The following AGMO variants were observed in gnomAD, a reference collection of about 807,000 sequenced individuals.
The protein encoded by AGMO is alkylglycerol monooxygenase.
In AGMO, 75 loss-of-function variants were observed where a neutral mutation model predicts 60.2. That is an observed-to-expected ratio of 1.25 (90% CI 1.03 to 1.51). The LOEUF is 1.51. AGMO is among the 40% of genes most tolerant of loss of function. The pLI, the probability that AGMO is intolerant of heterozygous loss-of-function variation, is 0.00. For synonymous variants in AGMO, 261 were observed against 177.1 expected, an observed-to-expected ratio of 1.47 and a Z score of -3.76; for missense variants, 763 against 525.5, an observed-to-expected ratio of 1.45 and a Z score of -4.42.
chr7:15,460,163 G>T (rs1782109399), intron 3 of AGMO, among the ~76,000 whole-genome samples: 1 of 145,426 alleles, frequency 6.9e-6, no homozygotes, highest in Non-Finnish European at 1.5e-5. Context: ...CCGGAGTGCA[G>T]TGGCGTGATC....
chr7:15,352,446 TG>T (rs1234550569), intron 12 of AGMO, among the ~76,000 whole-genome samples: 2,037 of 149,220 alleles, frequency 0.014, 48 homozygotes, highest in African/African-American at 0.047. Flanking sequence ...TCCAGAAGTA[TG>T]TTTTTTTTTT....
chr7:15,256,549 G>C (rs1420479945), intron 12 of AGMO, among the ~76,000 whole-genome samples: 1 of 152,074 alleles, frequency 6.6e-6, no homozygotes, highest in African/African-American at 2.4e-5. Flanking sequence ...ATTTTTAGTA[G>C]AGACGGAGTT....
chr7:15,153,010 T>C, the AGMO span, among the ~76,000 whole-genome samples: 1 of 152,142 alleles, frequency 6.6e-6, no homozygotes, highest in Non-Finnish European at 1.5e-5. Flanking sequence ...ACATCTATTA[T>C]TTTTTGATTA....
At chr7:15,301,174 C>T (rs1784551299) in intron 12 of AGMO, among the ~76,000 whole-genome samples, 1 of 152,138 alleles carries the variant, frequency 6.6e-6, no homozygotes. Context: ...CGCGGTGGCT[C>T]ATGCCTGTAA....
rs376880060 is a variant in AGMO, at chr7:15,386,270, A to C, written c.958-708T>G. Among the ~76,000 whole-genome samples, 27 of 152,350 alleles carry C rather than the reference A, an allele frequency of 1.8e-4. No homozygotes were observed. The East Asian group carries it at 3.7e-3, about 21-fold the overall frequency. ...CTATTTTATTGGAAACAACTTTTCTAAAGTTATTTATTGGAAACTTTGGAG... is the reference window on the plus strand; with the variant it reads ...CTATTTTATTGGAAACAACTTTTCTCAAGTTATTTATTGGAAACTTTGGAG... On this transcript the variant is annotated intron_variant, in intron 9 of 12. Transcript: ENST00000342526.
At chr7:15,177,120 A>G in the AGMO span, among the ~76,000 whole-genome samples, 8 of 152,054 alleles carry the variant, frequency 5.3e-5, no homozygotes, top group African/African-American at 1.9e-4. Flanking sequence ...ATGATTTAAA[A>G]ACATTTTTTT....
intron 12 of AGMO, among the ~76,000 whole-genome samples, chr7:15,361,049 C>A (rs927416956): frequency 6.6e-6 from 1 of 152,144 alleles, no homozygotes; most frequent in Non-Finnish European, 1.5e-5. Flanking sequence ...ATCCTGGTTT[C>A]TGGAAATCAT....
intron 10 of AGMO, among the ~76,000 whole-genome samples, chr7:15,374,143 G>T (rs1783345337): frequency 6.6e-6 from 1 of 151,548 alleles, no homozygotes; most frequent in Non-Finnish European, 1.5e-5. Context: ...ACACCATACT[G>T]CAATGTATAA....
intron 3 of AGMO, among the ~76,000 whole-genome samples, chr7:15,488,796 C>A (rs1782989095): frequency 6.6e-6 from 1 of 151,620 alleles, no homozygotes; most frequent in Admixed American, 6.6e-5. Flanking sequence ...CATAAGGGCA[C>A]ATTCGGTTGT....
chr7:15,309,005 T>C (rs1780690335), intron 12 of AGMO, among the ~76,000 whole-genome samples: 1 of 152,160 alleles, frequency 6.6e-6, no homozygotes, highest in African/African-American at 2.4e-5. Flanking sequence ...TAAGCAACTT[T>C]ACTACTCATG....
intron 12 of AGMO, among the ~76,000 whole-genome samples, chr7:15,302,022 T>G (rs1255902573): frequency 6.6e-6 from 1 of 152,148 alleles, no homozygotes; most frequent in Non-Finnish European, 1.5e-5. Context: ...TTACTTAAAA[T>G]ATGTTAAGTG....
At chr7:15,549,654 C>A (rs1583677819) in intron 2 of AGMO, among the ~76,000 whole-genome samples, 1 of 149,572 alleles carries the variant, frequency 6.7e-6, no homozygotes, top group African/African-American at 2.5e-5. Flanking sequence ...CAGGAGCACC[C>A]AGATTCATAA....
chr7:15,252,241 G>C (rs112638747), intron 12 of AGMO, among the ~76,000 whole-genome samples: 2,205 of 152,328 alleles, frequency 0.014, 69 homozygotes, highest in African/African-American at 0.049. Context: ...AGAAGGGTTA[G>C]TAGTGGTGGT....
intron 3 of AGMO, among the ~76,000 whole-genome samples, chr7:15,541,438 T>C (rs928329546): frequency 1.3e-5 from 2 of 152,180 alleles, no homozygotes; most frequent in Non-Finnish European, 2.9e-5. Context: ...TATTTTTATG[T>C]GGAGGAAAAG....
the AGMO span, among the ~76,000 whole-genome samples, chr7:15,192,268 C>G: frequency 2.0e-5 from 3 of 149,452 alleles, no homozygotes; most frequent in South Asian, 6.6e-4. Context: ...GCCATGCCCC[C>G]CACATCCTGT....
intron 4 of AGMO, among the ~76,000 whole-genome samples, chr7:15,420,907 T>C (rs1780905417): frequency 6.6e-6 from 1 of 152,148 alleles, no homozygotes; most frequent in Non-Finnish European, 1.5e-5. Flanking sequence ...TATTGTCTTG[T>C]AGAAGTCATA....
chr7:15,232,476 T>A (rs1362312860), intron 12 of AGMO, among the ~76,000 whole-genome samples: 1 of 152,186 alleles, frequency 6.6e-6, no homozygotes, highest in Non-Finnish European at 1.5e-5. Context: ...TCAGAATACA[T>A]GCGGCATAAA....
intron 5 of AGMO, among the ~76,000 whole-genome samples, chr7:15,397,976 G>C (rs943759791): frequency 6.6e-6 from 1 of 152,220 alleles, no homozygotes; most frequent in South Asian, 2.1e-4. Context: ...TAGAGAACAA[G>C]AAAGTGGGGG....
chr7:15,447,785 T>A (rs1414616913), intron 3 of AGMO, among the ~76,000 whole-genome samples: 1 of 151,958 alleles, frequency 6.6e-6, no homozygotes, highest in South Asian at 2.1e-4. Flanking sequence ...ACTCCTAACC[T>A]CAAGTGATCC....
Sources: gnomAD v4.1 joint callset for allele counts (sites outside exome capture counted in the v4.1 genomes callset) on GRCh38, gnomAD v4.1.1 for gene constraint, MANE v1.5 for transcripts, NCBI Gene and HGNC (gene_info 2026-07-23, HGNC 2026-07-21) for gene names.